VRTN: variants seen among roughly 807,000 people sequenced by gnomAD.
The protein encoded by VRTN is vertebrae development associated.
VRTN carries 5 observed loss-of-function variants against 18.2 expected under a neutral mutation model. The observed-to-expected ratio is 0.27, with a 90% CI of 0.14 to 0.58. The LOEUF (loss-of-function observed/expected upper bound fraction) is 0.58. Ranked by LOEUF, VRTN falls within the 20% of genes least tolerant of loss-of-function variation. The pLI, the probability that VRTN is intolerant of heterozygous loss-of-function variation, is 0.91. For missense variants in VRTN, 741 were observed against 939.4 expected (o/e 0.79, Z 2.76); for synonymous variants, 381 against 393.7 (o/e 0.97, Z 0.38).
intron 1 of VRTN, among the ~76,000 whole-genome samples, chr14:74,324,143 C>T (rs549837758): frequency 1.7e-4 from 26 of 152,156 alleles, no homozygotes; most frequent in African/African-American, 5.5e-4. Flanking sequence ...AATCCCAGCA[C>T]TTTGAGAGGC....
intron 1 of VRTN, among the ~76,000 whole-genome samples, chr14:74,355,625 C>T (rs2085720963): frequency 6.6e-6 from 1 of 152,154 alleles, no homozygotes; most frequent in African/African-American, 2.4e-5. Context: ...GCCTCCACCT[C>T]CCAAGTTCAA....
Position 74,358,367 on chromosome 14 carries a change from C to T in VRTN, c.1584C>T (p.Arg528=). 1 of 1,613,828 alleles carries T rather than the reference C, an allele frequency of 6.2e-7. No individual in the cohort carries two copies. The highest frequency in any genetic ancestry group is 8.5e-7 in the Non-Finnish European group (1 of 1,180,008). Residue 528 remains arginine (R), a synonymous_variant, in exon 2 of 2, where the codon CGC becomes CGT. Coordinates refer to ENST00000256362, the MANE Select transcript of VRTN (RefSeq NM_018228.3). This position sits in a 1 kb window ranked among gnomAD's most constrained non-coding sequence, Gnocchi z 5.4. ...QVLSGHLPFC[R]FRLRYPSLSP... ...TGAGTGGGCATCTCCCTTTCTGCCG[C>T]TTCCGCCTCCGCTACCCCAGCCTGT... is the stretch of plus-strand genomic sequence containing the variant.
chr14:74,327,629 G>A (rs1173438810), intron 1 of VRTN, among the ~76,000 whole-genome samples: 2 of 152,186 alleles, frequency 1.3e-5, no homozygotes, highest in Non-Finnish European at 2.9e-5. Flanking sequence ...GCTGCTCCGC[G>A]ATTCCTCCTT....
chr14:74,349,836 G>C (rs1488400252), intron 1 of VRTN, among the ~76,000 whole-genome samples: 1 of 152,152 alleles, frequency 6.6e-6, no homozygotes, highest in Non-Finnish European at 1.5e-5. Flanking sequence ...GGCTTTACTG[G>C]AGCTAAGATC....
chr14:74,346,786 T>C (rs540509443), upstream of VRTN, among the ~76,000 whole-genome samples: 58 of 152,384 alleles, frequency 3.8e-4, no homozygotes, highest in African/African-American at 1.2e-3. Context: ...ACTTTTGTAA[T>C]GGAAAAGCCA....
At position 74,356,997 on chromosome 14, in the gene VRTN, C is replaced by T. The variant is rs377562420; in HGVS notation, c.214C>T (p.Arg72Trp). 4.5e-5 allele frequency: 73 copies of T among 1,610,780 alleles called. No homozygotes were observed. The highest frequency in any genetic ancestry group is 4.2e-5 in the Non-Finnish European group (50 of 1,178,386). The change falls in exon 2 of 2, where the codon CGG (arginine) becomes TGG (tryptophan). Residue 72 changes from arginine (R) to tryptophan (W), a missense_variant. By Grantham distance (101) the Arg-to-Trp change is moderately radical. This residue lies in a region of VRTN where 186 missense variants were observed against 288.3 expected (regional missense o/e 0.65). Coordinates refer to ENST00000256362, the MANE Select transcript of VRTN (RefSeq NM_018228.3). ...ALSLYPEDAP[R>W]NMLPLVCKGE... ...GAGCCTGTATCCAGAAGATGCTCCA[C>T]GGAACATGCTGCCGCTGGTGTGCAA...
intron 1 of VRTN, among the ~76,000 whole-genome samples, chr14:74,332,605 C>A (rs2085535317): frequency 6.6e-6 from 1 of 151,874 alleles, no homozygotes; most frequent in Admixed American, 6.6e-5. Context: ...GATCTGCCCA[C>A]CTCGGCCTCC....
intron 1 of VRTN, among the ~76,000 whole-genome samples, chr14:74,331,766 C>T (rs1595168725): frequency 1.3e-5 from 2 of 151,268 alleles, no homozygotes; most frequent in South Asian, 2.1e-4. Context: ...ACATGCCTTT[C>T]ACGCAGACAT....
chr14:74,305,330 CAAAAAAA>C (rs71115979), intron 1 of VRTN: 41 of 122,634 alleles, frequency 3.3e-4, no homozygotes, highest in African/African-American at 3.0e-4. Context: ...GAGACTGTTT[CAAAAAAA>C]AAAAAAAAAA....
intron 1 of VRTN, among the ~76,000 whole-genome samples, chr14:74,307,560 A>G (rs575244939): frequency 2.6e-5 from 4 of 152,306 alleles, no homozygotes; most frequent in Admixed American, 2.0e-4. Flanking sequence ...CAAAAAAAGT[A>G]TTACACCAAT....
At chr14:74,329,298 G>T (rs1316048478) in intron 1 of VRTN, among the ~76,000 whole-genome samples, 1 of 151,856 alleles carries the variant, frequency 6.6e-6, no homozygotes, top group African/African-American at 2.4e-5. Context: ...AAGAAACAGG[G>T]TCTCACTCTT....
In VRTN at chr14:74,358,748, C is replaced by T; in HGVS notation, c.1965C>T (p.Ala655=). 4 of 1,614,242 alleles carry T rather than the reference C, an allele frequency of 2.5e-6. No homozygotes were observed. The highest frequency in any genetic ancestry group is 3.4e-6 in the Non-Finnish European group (4 of 1,180,046). The change falls in exon 2 of 2, where the codon GCC becomes GCT. Residue 655 remains alanine (A), a synonymous_variant. Transcript: ENST00000256362. This position sits in a 1 kb window ranked among gnomAD's most constrained non-coding sequence, Gnocchi z 5.4. ...MIATTKFKAQ[A]KLFLQKRFQS... ...CTACCACGAAGTTCAAGGCCCAGGC[C>T]AAGCTGTTCTTGCAGAAGCGCTTCC... is the stretch of plus-strand genomic sequence containing the variant.
intron 1 of VRTN, among the ~76,000 whole-genome samples, 199 bp downstream of exon 1, chr14:74,348,851 C>T (rs2085662761): frequency 6.7e-6 from 1 of 149,664 alleles, no homozygotes; most frequent in Non-Finnish European, 1.5e-5. Context: ...AGCTCTCTTT[C>T]TCCCCACCCC....
chr14:74,347,124 C>T (rs1379392130), upstream of VRTN, among the ~76,000 whole-genome samples: 1 of 152,170 alleles, frequency 6.6e-6, no homozygotes, highest in Non-Finnish European at 1.5e-5. Context: ...AAGCAGAGTT[C>T]TAAATGTTTT....
chr14:74,303,319 G>C, intron 1 of VRTN: 1 of 173,998 alleles, frequency 5.7e-6, no homozygotes, highest in East Asian at 1.5e-4. Flanking sequence ...GGAAGGCCAA[G>C]GCGGGAGGAT....
At chr14:74,324,319 C>CTG (rs2085474089) in intron 1 of VRTN, among the ~76,000 whole-genome samples, 2 of 138,118 alleles carry the variant, frequency 1.4e-5, no homozygotes, top group Non-Finnish European at 3.0e-5. Flanking sequence ...ACCCGGGAGG[C>CTG]AGAGGTTGCA....
In VRTN at chr14:74,357,097, G is replaced by A. The variant is rs763560388; in HGVS notation, c.314G>A (p.Arg105Gln). Residue 105 changes from arginine (R) to glutamine (Q), a missense_variant, in exon 2 of 2, where the codon CGG (arginine) becomes CAG (glutamine). Arg to Gln is a conservative substitution (Grantham distance 43). This residue lies in a region of VRTN where 186 missense variants were observed against 288.3 expected (regional missense o/e 0.65). Transcript: ENST00000256362. The surrounding 1 kb of genome is among the most constrained non-coding windows in gnomAD (Gnocchi z 7.8). ...GACGCAGGCCTCAGCCTGGAGCTGC[G>A]GGCCCGCACCGTGGTAGAGATGCTG... is the stretch of plus-strand genomic sequence containing the variant. ...WGDAGLSLEL[R>Q]ARTVVEMLLH... 24 of 1,603,914 alleles carry A rather than the reference G, an allele frequency of 1.5e-5. No homozygotes were observed. Among genetic ancestry groups the A allele is most frequent in the Middle Eastern group, 3.3e-4 (2 of 6,048 alleles).
intron 1 of VRTN, among the ~76,000 whole-genome samples, chr14:74,330,441 CTTT>C (rs34686412): frequency 2.9e-5 from 4 of 137,998 alleles, no homozygotes; most frequent in Non-Finnish European, 3.1e-5. Context: ...CAGTATCAAA[CTTT>C]TTTTTTTTTT....
intron 1 of VRTN, among the ~76,000 whole-genome samples, chr14:74,319,790 G>C (rs1324177312): frequency 6.6e-6 from 1 of 152,212 alleles, no homozygotes; most frequent in Non-Finnish European, 1.5e-5. Flanking sequence ...TCACCTAAGG[G>C]TTGACTGTAG....
Sources: gnomAD v4.1 joint callset for allele counts (sites outside exome capture counted in the v4.1 genomes callset) on GRCh38, gnomAD v4.1.1 for gene constraint, gnomAD v4.1.1 regional missense constraint, Gnocchi (gnomAD v3.1) non-coding constraint, MANE v1.5 for transcripts, NCBI Gene and HGNC (gene_info 2026-07-23, HGNC 2026-07-21) for gene names.